GVQW3: variants seen among roughly 807,000 people sequenced by gnomAD.
GVQW3 encodes the protein protein GVQW3.
GVQW3 carries 7 observed loss-of-function variants against 12.5 expected under a neutral mutation model. That is an observed-to-expected ratio of 0.56 (90% CI 0.32 to 1.05). GVQW3 has a LOEUF of 1.05. Among genes scored for constraint, GVQW3 ranks in the 50% least tolerant of loss-of-function variants. The pLI is 0.04. For missense variants in GVQW3, 188 were observed against 190.8 expected (o/e 0.99, Z 0.09); for synonymous variants, 71 against 67.2 (o/e 1.06, Z -0.28).
intron 1 of GVQW3, among the ~76,000 whole-genome samples, chr11:76,399,613 C>T (rs1023108693): frequency 6.6e-6 from 1 of 152,120 alleles, no homozygotes; most frequent in Non-Finnish European, 1.5e-5. Flanking sequence ...ACATTGGAAT[C>T]AATAGACTGA....
At chr11:76,401,165 G>A (rs535780573) in intron 1 of GVQW3, among the ~76,000 whole-genome samples, 15 of 151,938 alleles carry the variant, frequency 9.9e-5, no homozygotes, top group East Asian at 7.7e-4. Context: ...GAGCCACTGC[G>A]CCTGACCAGG....
chr11:76,382,181 C>T lies in GVQW3; in HGVS notation c.353C>T (p.Ser118Phe). The T allele has an allele frequency of 1.3e-6, 2 of 1,536,180 alleles. No homozygotes were observed. Reference protein sequence around the residue: ...LKENLNMRKISAKVISGVLKG... With the variant: ...LKENLNMRKIFAKVISGVLKG... ...GAAAACTTGAACATGAGGAAGATTT[C>T]TGCAAAAGTTATTTCGGGTGTTTTG... The change falls in exon 1 of 2, where the codon TCT becomes TTT. Residue 118 changes from serine (S) to phenylalanine (F), a missense_variant. By Grantham distance (155) the Ser-to-Phe change is radical. Transcript: ENST00000529331.
intron 1 of GVQW3, among the ~76,000 whole-genome samples, chr11:76,384,881 C>T (rs953807481): frequency 6.6e-6 from 1 of 152,214 alleles, no homozygotes; most frequent in African/African-American, 2.4e-5. Context: ...TGTTGCTGAA[C>T]CTCATAGTAA....
chr11:76,384,066 G>C (rs908241323), intron 1 of GVQW3, among the ~76,000 whole-genome samples: 1 of 152,192 alleles, frequency 6.6e-6, no homozygotes, highest in African/African-American at 2.4e-5. Context: ...TTATGGAATG[G>C]AACTTTTCCC....
At position 76,381,781 on chromosome 11, in the gene GVQW3, C is replaced by A. The variant is rs1435526494; in HGVS notation, c.-48C>A. ...ATAAAGATTGATCTGTCCGTCTTTC[C>A]CTTACAGTCGTGGCCTGTTAAACGT... is the stretch of plus-strand genomic sequence containing the variant. On this transcript the variant is annotated 5_prime_UTR_variant, in exon 1 of 2. Transcript: ENST00000529331. 3.4e-6 allele frequency: 5 copies of A among 1,457,284 alleles called. No homozygotes were observed. The highest frequency in any genetic ancestry group is 4.5e-6 in the Non-Finnish European group (5 of 1,107,440). The allele number at this position is 1,457,284 out of a possible 1,614,324, so 90.3% of individuals were successfully genotyped here. A position where few individuals can be genotyped will look rare whatever the true frequency, so the allele number is the denominator to read the frequency against.
rs888334448 is a variant in GVQW3 at position 76,403,953 on chromosome 11, A to G, written c.*195A>G. The G allele has an allele frequency of 3.9e-5, 27 of 697,360 alleles. No homozygotes were observed. Among genetic ancestry groups the G allele is most frequent in the African/African-American group, 3.0e-4 (17 of 57,082 alleles). The allele number at this position is 697,360 out of a possible 1,614,324, so 43.2% of individuals were successfully genotyped here. A position where few individuals can be genotyped will look rare whatever the true frequency, so the allele number is the denominator to read the frequency against. Reference sequence around the variant, plus strand: ...AATGAATTGGATGATGTCCATGCACATTAGGGAGGGCTGCCTCTTCATTAC... The same window carrying G: ...AATGAATTGGATGATGTCCATGCACGTTAGGGAGGGCTGCCTCTTCATTAC... On this transcript the variant is annotated 3_prime_UTR_variant, in exon 2 of 2. Transcript: ENST00000529331.
intron 1 of GVQW3, chr11:76,382,716 A>C (rs1312197492): frequency 4.9e-6 from 2 of 408,624 alleles, no homozygotes; most frequent in Non-Finnish European, 8.8e-6. Context: ...TTCTCTGCCC[A>C]GACCTTAGCT....
At chr11:76,410,043 AC>A (rs1467428368), downstream of GVQW3, among the ~76,000 whole-genome samples, 1 of 151,980 alleles carries the variant, frequency 6.6e-6, no homozygotes, top group Non-Finnish European at 1.5e-5. Context: ...GATCACTTGA[AC>A]CCAGGAGTTC....
chr11:76,400,058 G>A (rs796308737), intron 1 of GVQW3, among the ~76,000 whole-genome samples: 1 of 135,614 alleles, frequency 7.4e-6, no homozygotes, highest in African/African-American at 2.6e-5. Context: ...CACGGATCTT[G>A]TTGGTTCTGT....
At chr11:76,387,437 A>G (rs759319839) in intron 1 of GVQW3, among the ~76,000 whole-genome samples, 45 of 152,154 alleles carry the variant, frequency 3.0e-4, no homozygotes, top group Non-Finnish European at 5.1e-4. Flanking sequence ...CAAAAAAAGA[A>G]AGTTAGACAT....
intron 1 of GVQW3, among the ~76,000 whole-genome samples, chr11:76,388,681 T>C (rs1162240413): frequency 1.3e-5 from 2 of 151,958 alleles, no homozygotes; most frequent in Non-Finnish European, 2.9e-5. Context: ...TGAAATCTAA[T>C]TATATTACTC....
chr11:76,381,808 C>T lies in GVQW3; in HGVS notation c.-21C>T. 1 of 1,507,430 alleles carries T rather than the reference C, an allele frequency of 6.6e-7. No individual in the cohort carries two copies. The highest frequency in any genetic ancestry group is 8.8e-7 in the Non-Finnish European group (1 of 1,133,302). The allele number at this position is 1,507,430 out of a possible 1,614,324, so 93.4% of individuals were successfully genotyped here. ...TTACAGTCGTGGCCTGTTAAACGTT[C>T]CTGTGTTGTTCAGTGCCAGAATGAG... On this transcript the variant is annotated 5_prime_UTR_variant, in exon 1 of 2. Coordinates refer to ENST00000529331, the MANE Select transcript of GVQW3 (RefSeq NM_001347885.2).
intron 1 of GVQW3, among the ~76,000 whole-genome samples, chr11:76,389,181 A>G (rs145895261): frequency 6.6e-6 from 1 of 152,370 alleles, no homozygotes; most frequent in Non-Finnish European, 1.5e-5. Flanking sequence ...AAGTGCTTAT[A>G]GTGTTAAGTG....
chr11:76,414,061 C>T (rs1051903408), exon 2 of GVQW3: 2 of 152,112 alleles, frequency 1.3e-5, no homozygotes, highest in African/African-American at 4.8e-5. Context: ...GCCGCTGGGC[C>T]CTGGTCACAA....
At chr11:76,401,972 G>T (rs74892113) in intron 1 of GVQW3, among the ~76,000 whole-genome samples, 1,541 of 152,044 alleles carry the variant, frequency 0.01, 18 homozygotes, top group South Asian at 0.022. Context: ...CTTCTCTAAC[G>T]CCAGGATACA....
intron 1 of GVQW3, among the ~76,000 whole-genome samples, chr11:76,393,549 C>T (rs925794240): frequency 1.3e-5 from 2 of 152,210 alleles, no homozygotes; most frequent in East Asian, 3.9e-4. Context: ...CAATCATGCC[C>T]CACTTTGTGC....
chr11:76,398,637 T>G (rs1453516242), intron 1 of GVQW3, among the ~76,000 whole-genome samples: 1 of 151,964 alleles, frequency 6.6e-6, no homozygotes, highest in Non-Finnish European at 1.5e-5. Flanking sequence ...AAAACAATTG[T>G]TTTTTTATGG....
rs906675223 is a variant in GVQW3, at chr11:76,404,349, A to G, written c.*591A>G. ...AGTGCGGAAATAGGTTTTGTGTTCA[A>G]TCTGCTTCTCTATAAAATCCCATAC... On this transcript the variant is annotated 3_prime_UTR_variant, in exon 2 of 2. Transcript: ENST00000529331. The G allele has an allele frequency of 1.5e-5, 3 of 200,766 alleles. No individual in the cohort carries two copies. Among genetic ancestry groups the G allele is most frequent in the Non-Finnish European group, 3.0e-5 (3 of 100,414 alleles). The allele number at this position is 200,766 out of a possible 1,614,324, so 12.4% of individuals were successfully genotyped here.
intron 1 of GVQW3, chr11:76,390,154 A>G (rs925642415): frequency 2.6e-5 from 4 of 152,236 alleles, no homozygotes; most frequent in African/African-American, 9.7e-5. Context: ...GTGAAATTTT[A>G]AACCTCCAAA....
Sources: gnomAD v4.1 joint callset for allele counts (sites outside exome capture counted in the v4.1 genomes callset) on GRCh38, gnomAD v4.1.1 for gene constraint, MANE v1.5 for transcripts, NCBI Gene and HGNC (gene_info 2026-07-23, HGNC 2026-07-21) for gene names.